CNTNAP5: variants seen among roughly 807,000 people sequenced by gnomAD.
CNTNAP5 encodes contactin associated protein family member 5.
In CNTNAP5, 72 loss-of-function variants were observed where a neutral mutation model predicts 150.2. The observed-to-expected ratio is 0.48, with a 90% CI of 0.40 to 0.58. The LOEUF is 0.58. Ranked by LOEUF, CNTNAP5 falls within the 20% of genes least tolerant of loss-of-function variation. The pLI is 0.00. For missense variants in CNTNAP5, 1,636 were observed against 1,626.2 expected (o/e 1.01, Z -0.10); for synonymous variants, 672 against 619.8 (o/e 1.08, Z -1.25).
intron 11 of CNTNAP5, among the ~76,000 whole-genome samples, chr2:124,607,705 AACT>A (rs1677281703): frequency 6.6e-6 from 1 of 152,154 alleles, no homozygotes; most frequent in Non-Finnish European, 1.5e-5. Context: ...TTATGTTCTT[AACT>A]ACTATGCAAC....
chr2:124,327,231 C>T (rs544211422), intron 3 of CNTNAP5, among the ~76,000 whole-genome samples: 118 of 152,066 alleles, frequency 7.8e-4, no homozygotes, highest in African/African-American at 2.7e-3. Context: ...CTGCCTGCCT[C>T]GGCCTCCCAA....
chr2:124,404,882 A>T (rs899448750), intron 3 of CNTNAP5, among the ~76,000 whole-genome samples: 3 of 152,306 alleles, frequency 2.0e-5, no homozygotes, highest in East Asian at 1.9e-4. Flanking sequence ...ACAAACTCCT[A>T]AACTGTGTTT....
At chr2:124,500,096 C>G (rs761327967) in intron 7 of CNTNAP5, among the ~76,000 whole-genome samples, 1 of 152,106 alleles carries the variant, frequency 6.6e-6, no homozygotes, top group African/African-American at 2.4e-5. Flanking sequence ...GCATTTTACT[C>G]TATGCCCTCA....
At chr2:124,820,579 G>A (rs1293638282) in intron 19 of CNTNAP5, among the ~76,000 whole-genome samples, 3 of 152,018 alleles carry the variant, frequency 2.0e-5, no homozygotes, top group African/African-American at 4.8e-5. Context: ...ACATTAAATA[G>A]GTACAATCCA....
At position 124,477,972 on chromosome 2, in the gene CNTNAP5, G is replaced by C. The variant is rs190702345; in HGVS notation, c.1062+3090G>C. On this transcript the variant is annotated intron_variant, in intron 7 of 23. Transcript: ENST00000682447. ...TTGCACACTCATTGTTCATAAACTG[G>C]GGCTTAAAAGTATAAAAGCCTGAGC... Among the ~76,000 whole-genome samples the C allele has an allele frequency of 1.6e-4, 24 of 151,862 alleles. No individual in the cohort carries two copies. The East Asian group carries it at 4.3e-3, about 27-fold the overall frequency.
chr2:124,848,325 T>C (rs913373328), intron 19 of CNTNAP5, among the ~76,000 whole-genome samples: 1 of 152,200 alleles, frequency 6.6e-6, no homozygotes, highest in South Asian at 2.1e-4. Flanking sequence ...TCTTCCAATA[T>C]CATCCATGTT....
At chr2:124,592,409 T>A (rs1910529) in intron 11 of CNTNAP5, among the ~76,000 whole-genome samples, 9 of 151,470 alleles carry the variant, frequency 5.9e-5, no homozygotes, top group African/African-American at 2.2e-4. Context: ...AAATAAAAGG[T>A]TAAATGGACA....
chr2:124,333,104 T>A (rs186665707), intron 3 of CNTNAP5, among the ~76,000 whole-genome samples: 444 of 152,082 alleles, frequency 2.9e-3, no homozygotes, highest in African/African-American at 9.6e-3. Context: ...AACTCACTAG[T>A]TTAAAAGGAT....
At chr2:124,415,947 C>T (rs1280669232) in intron 3 of CNTNAP5, among the ~76,000 whole-genome samples, 1 of 152,180 alleles carries the variant, frequency 6.6e-6, no homozygotes, top group Admixed American at 6.5e-5. Flanking sequence ...AATGAATGAG[C>T]CCAATGCTCA....
chr2:124,113,461 T>C (rs1683348468), intron 1 of CNTNAP5, among the ~76,000 whole-genome samples: 1 of 151,926 alleles, frequency 6.6e-6, no homozygotes, highest in African/African-American at 2.4e-5. Flanking sequence ...CTTTTTTCTA[T>C]TTGAATGTCT....
chr2:124,352,175 C>A (rs974913329), intron 3 of CNTNAP5, among the ~76,000 whole-genome samples: 2 of 150,962 alleles, frequency 1.3e-5, no homozygotes, highest in African/African-American at 4.9e-5. Context: ...TCATCAAATC[C>A]ATCTAAAATA....
intron 1 of CNTNAP5, among the ~76,000 whole-genome samples, chr2:124,192,943 A>C (rs1439136): frequency 0.16 from 23,768 of 152,156 alleles, 2,309 homozygotes; most frequent in East Asian, 0.38. Context: ...AAAATGAAGG[A>C]GTTTCTACTT....
intron 1 of CNTNAP5, among the ~76,000 whole-genome samples, chr2:124,074,114 C>T (rs543475722): frequency 1.3e-5 from 2 of 152,040 alleles, no homozygotes; most frequent in Non-Finnish European, 2.9e-5. Flanking sequence ...CATATTTTCA[C>T]TTATCTGTGG....
At chr2:124,733,819 G>A (rs538412594) in intron 13 of CNTNAP5, among the ~76,000 whole-genome samples, 1 of 152,318 alleles carries the variant, frequency 6.6e-6, no homozygotes, top group East Asian at 1.9e-4. Context: ...AGGACACAGT[G>A]AGCCCACACT....
At chr2:124,069,768 C>G (rs182795902) in intron 1 of CNTNAP5, among the ~76,000 whole-genome samples, 36 of 152,230 alleles carry the variant, frequency 2.4e-4, no homozygotes, top group African/African-American at 7.5e-4. Context: ...AACACCAGAA[C>G]TGTTCTACAA....
At chr2:124,860,414 CCCTTCCTTCCTTCCTT>C (rs201141839) in intron 19 of CNTNAP5, among the ~76,000 whole-genome samples, 6 of 95,244 alleles carry the variant, frequency 6.3e-5, no homozygotes, top group East Asian at 4.5e-4. Flanking sequence ...CTCCCTCTCT[CCCTTCCTTCCTTCCTT>C]CCTTCCTTCC....
intron 4 of CNTNAP5, among the ~76,000 whole-genome samples, chr2:124,433,457 G>GA (rs916430727): frequency 1.3e-5 from 2 of 151,718 alleles, no homozygotes; most frequent in South Asian, 2.1e-4. Context: ...TAGATCCTTG[G>GA]AAAAAAAATT....
At chr2:124,399,553 A>G (rs1691350783) in intron 3 of CNTNAP5, among the ~76,000 whole-genome samples, 1 of 151,948 alleles carries the variant, frequency 6.6e-6, no homozygotes, top group Non-Finnish European at 1.5e-5. Flanking sequence ...TGGGGAGGAA[A>G]TAAGGATGAG....
In CNTNAP5 at chr2:124,446,764, G is replaced by A. The variant is rs766865921; in HGVS notation, c.745G>A (p.Ala249Thr). The A allele has an allele frequency of 6.2e-7, 1 of 1,613,494 alleles. No homozygotes were observed. Among genetic ancestry groups the A allele is most frequent in the South Asian group, 1.1e-5 (1 of 91,048 alleles). The change falls in exon 6 of 24, where the codon GCG becomes ACG. Residue 249 changes from alanine (A) to threonine (T), a missense_variant. By Grantham distance (58) the Ala-to-Thr change is moderately conservative. Coordinates refer to ENST00000682447, the MANE Select transcript of CNTNAP5 (RefSeq NM_001367498.1). ...ALHLNLGDSK[A>T]RLSSSLPSAT... is the part of the protein sequence containing the mutation. ...TCCCCTCTTCACAGGTGACAGCAAA[G>A]CGCGGCTCAGCAGCAGCTTGCCCTC... is the stretch of plus-strand genomic sequence containing the variant.
Sources: gnomAD v4.1 joint callset for allele counts (sites outside exome capture counted in the v4.1 genomes callset) on GRCh38, gnomAD v4.1.1 for gene constraint, MANE v1.5 for transcripts, NCBI Gene and HGNC (gene_info 2026-07-23, HGNC 2026-07-21) for gene names.